The following ATP8B1 variants were observed in gnomAD, a reference collection of about 807,000 sequenced individuals.
ATP8B1 encodes phospholipid-transporting ATPase IC.
ATP8B1 carries 80 observed loss-of-function variants against 149.9 expected under a neutral mutation model. That is an observed-to-expected ratio of 0.53 (90% CI 0.45 to 0.64). The LOEUF (loss-of-function observed/expected upper bound fraction) is 0.64. Ranked by LOEUF, ATP8B1 falls within the 30% of genes least tolerant of loss-of-function variation. The pLI is 0.00. For missense variants in ATP8B1, 1,247 were observed against 1,552.6 expected, an observed-to-expected ratio of 0.80 and a Z score of 3.31; for synonymous variants, 536 against 562.8, an observed-to-expected ratio of 0.95 and a Z score of 0.67.
chr18:57,686,682 G>A (rs901876536), intron 13 of ATP8B1, among the ~76,000 whole-genome samples: 1 of 152,110 alleles, frequency 6.6e-6, no homozygotes, highest in African/African-American at 2.4e-5. Context: ...GCCTCCCAGA[G>A]TGCTGGGATT....
intron 27 of ATP8B1, 51 bp downstream of exon 27, chr18:57,650,316 G>A (rs371465201): frequency 5.6e-5 from 90 of 1,600,172 alleles, no homozygotes; most frequent in Admixed American, 8.4e-5. Context: ...GTTGGGAAAC[G>A]CTTTGGTTTC....
At chr18:57,795,997 T>C (rs1599249669) in intron 1 of ATP8B1, among the ~76,000 whole-genome samples, 2 of 152,112 alleles carry the variant, frequency 1.3e-5, no homozygotes, top group East Asian at 1.9e-4. Flanking sequence ...GGTGAAACCC[T>C]GTCTCTACTA....
At chr18:57,770,706 G>C (rs966435878) in intron 1 of ATP8B1, among the ~76,000 whole-genome samples, 5 of 152,258 alleles carry the variant, frequency 3.3e-5, no homozygotes, top group African/African-American at 1.2e-4. Context: ...GCAGGGGACA[G>C]GTATACTGGG....
intron 27 of ATP8B1, among the ~76,000 whole-genome samples, chr18:57,649,020 C>T (rs1909410753): frequency 6.6e-6 from 1 of 152,098 alleles, no homozygotes; most frequent in Non-Finnish European, 1.5e-5. Context: ...GCCTCAGCCT[C>T]CTGAGTAACT....
chr18:57,795,786 T>C (rs897052977), intron 1 of ATP8B1, among the ~76,000 whole-genome samples: 4 of 152,146 alleles, frequency 2.6e-5, no homozygotes, highest in Non-Finnish European at 4.4e-5. Flanking sequence ...ATGGTGGTGA[T>C]GGTTGCACAA....
rs769809048 is a variant in ATP8B1, at chr18:57,655,306, C to T, written c.2819G>A (p.Gly940Asp). ...GCACATCCTTATGTAAGACCATCGGCCATGCACCAGCAGTAGCCTCTGCAG... is the reference window on the plus strand; with the variant it reads ...GCACATCCTTATGTAAGACCATCGGTCATGCACCAGCAGTAGCCTCTGCAG... ...RYLQRLLLVH[G>D]RWSYIRMCKF... Residue 940 changes from glycine (G) to aspartate (D), a missense_variant, in exon 23 of 28, where the codon GGC (glycine) becomes GAC (aspartate). By Grantham distance (94) the Gly-to-Asp change is moderately conservative (BLOSUM62 -1). Transcript: ENST00000648908. 1.2e-6 allele frequency: 2 copies of T among 1,614,124 alleles called. No individual in the cohort carries two copies. The highest frequency in any genetic ancestry group is 1.1e-5 in the South Asian group (1 of 91,068).
intron 1 of ATP8B1, among the ~76,000 whole-genome samples, chr18:57,732,483 A>G (rs2123148019): frequency 6.6e-6 from 1 of 151,904 alleles, no homozygotes; most frequent in African/African-American, 2.4e-5. Flanking sequence ...ATTACAGCAC[A>G]TATAATAAGT....
chr18:57,797,746 C>T (rs373763541), intron 1 of ATP8B1, among the ~76,000 whole-genome samples: 187 of 128,310 alleles, frequency 1.5e-3, no homozygotes, highest in African/African-American at 5.3e-3. Flanking sequence ...CTCACTCTGT[C>T]GCCCAGGCTG....
intron 22 of ATP8B1, among the ~76,000 whole-genome samples, chr18:57,658,044 C>A (rs1465244654): frequency 6.6e-6 from 1 of 150,960 alleles, no homozygotes; most frequent in Non-Finnish European, 1.5e-5. Flanking sequence ...CAGCAATAAT[C>A]CCTCTTGCCT....
chr18:57,729,821 G>A (rs2079743315), intron 2 of ATP8B1, among the ~76,000 whole-genome samples: 1 of 143,954 alleles, frequency 6.9e-6, no homozygotes, highest in Admixed American at 7.3e-5. Context: ...AAAGTGCTGG[G>A]ATTGCAGGCG....
At chr18:57,715,557 C>T (rs1418463914) in intron 2 of ATP8B1, among the ~76,000 whole-genome samples, 1 of 152,066 alleles carries the variant, frequency 6.6e-6, no homozygotes, top group Non-Finnish European at 1.5e-5. Context: ...AAGAAGACTA[C>T]CTCAGGCATT....
intron 1 of ATP8B1, among the ~76,000 whole-genome samples, chr18:57,758,562 T>G (rs2080108869): frequency 6.7e-6 from 1 of 148,950 alleles, no homozygotes; most frequent in African/African-American, 2.5e-5. Context: ...GCAGGAGAAT[T>G]GCTTGAACTC....
At chr18:57,691,358 C>G (rs1001756673) in intron 12 of ATP8B1, among the ~76,000 whole-genome samples, 1 of 151,968 alleles carries the variant, frequency 6.6e-6, no homozygotes, top group Non-Finnish European at 1.5e-5. Context: ...AGGTAGTGGC[C>G]GGAAAGCACA....
intron 1 of ATP8B1, among the ~76,000 whole-genome samples, chr18:57,778,482 G>A (rs900162990): frequency 6.6e-6 from 1 of 151,740 alleles, no homozygotes; most frequent in Non-Finnish European, 1.5e-5. Context: ...CGCCCGCCTC[G>A]CCCTCCCAAA....
chr18:57,704,201 G>A (rs964157216), intron 4 of ATP8B1, among the ~76,000 whole-genome samples: 4 of 152,056 alleles, frequency 2.6e-5, no homozygotes, highest in African/African-American at 9.7e-5. Flanking sequence ...CTCCTCACCC[G>A]AGGTGATCCA....
intron 1 of ATP8B1, among the ~76,000 whole-genome samples, chr18:57,789,231 G>T (rs2080438243): frequency 6.6e-6 from 1 of 152,092 alleles, no homozygotes; most frequent in Non-Finnish European, 1.5e-5. Context: ...ACTGTGTCCT[G>T]TATTTTTATT....
intron 2 of ATP8B1, among the ~76,000 whole-genome samples, chr18:57,720,840 C>G (rs530798103): frequency 1.3e-5 from 2 of 151,924 alleles, no homozygotes; most frequent in African/African-American, 4.8e-5. Context: ...TAAGGGCACC[C>G]AGAGAGAAAG....
intron 1 of ATP8B1, among the ~76,000 whole-genome samples, chr18:57,799,219 C>G (rs34850933): frequency 0.12 from 18,229 of 152,236 alleles, 1,242 homozygotes; most frequent in African/African-American, 0.16. Flanking sequence ...CGTTCCAACC[C>G]AGGTCAAAAG....
intron 1 of ATP8B1, among the ~76,000 whole-genome samples, chr18:57,774,612 T>G (rs1222689910): frequency 6.6e-6 from 1 of 151,732 alleles, no homozygotes; most frequent in Non-Finnish European, 1.5e-5. Flanking sequence ...ATAAATAAAA[T>G]TTATTTATTA....
Sources: gnomAD v4.1 joint callset for allele counts (sites outside exome capture counted in the v4.1 genomes callset) on GRCh38, gnomAD v4.1.1 for gene constraint, MANE v1.5 for transcripts, NCBI Gene and HGNC (gene_info 2026-07-23, HGNC 2026-07-21) for gene names.